CCDC57: variants seen among roughly 807,000 people sequenced by gnomAD.
The protein encoded by CCDC57 is coiled-coil domain-containing protein 57.
Under a neutral mutation model 118.9 loss-of-function variants are expected in CCDC57, and 118 were observed. The observed-to-expected ratio is 0.99, with a 90% confidence interval of 0.86 to 1.16. The LOEUF is 1.16. Among genes scored for constraint, CCDC57 ranks in the 50% most tolerant of loss-of-function variants. The probability of loss-of-function intolerance (pLI) is 0.00; values close to 1 mark genes in which losing one functional copy is unlikely to be tolerated. For synonymous variants in CCDC57, 527 were observed against 532.9 expected, an observed-to-expected ratio of 0.99 and a Z score of 0.15; for missense variants, 1,300 against 1,320.7, an observed-to-expected ratio of 0.98 and a Z score of 0.24.
chr17:82,134,521 C>T (rs187796954), intron 16 of CCDC57, among the ~76,000 whole-genome samples: 2 of 152,238 alleles, frequency 1.3e-5, no homozygotes, highest in East Asian at 1.9e-4. Flanking sequence ...TTGCCAGGTG[C>T]GGAGGCTCAC....
Position 82,185,655 on chromosome 17 carries a change from A to T in CCDC57, c.1053-1723T>A, listed in dbSNP as rs527863087. On this transcript the variant is annotated intron_variant, in intron 8 of 19. Transcript: ENST00000665763. ...GGAAGAAAAAAATGCTTTCCTGTTA[A>T]TCCTACAGGTTTTCTCTGTAGTTCC... 1.8e-4 allele frequency among the ~76,000 whole-genome samples: 28 copies of T among 152,102 alleles called. No homozygotes were observed. In the South Asian group the frequency reaches 5.4e-3, roughly 29 times the overall value.
chr17:82,122,132 A>C lies in CCDC57; in HGVS notation c.2899+5560T>G, dbSNP rs574243696. 4.6e-5 allele frequency among the ~76,000 whole-genome samples: 7 copies of C among 151,780 alleles called. No individual in the cohort carries two copies. The East Asian group carries it at 1.2e-3, about 25-fold the overall frequency. ...TGAGGCGCCAACCCACCATTTTACA[A>C]CCCACTTTCTCAAGCCTCCTACACC... On this transcript the variant is annotated intron_variant, in intron 19 of 19. Coordinates refer to ENST00000665763, the Ensembl canonical transcript of CCDC57.
chr17:82,205,489 C>T (rs1282754845), intron 2 of CCDC57, among the ~76,000 whole-genome samples: 4 of 152,212 alleles, frequency 2.6e-5, no homozygotes, highest in South Asian at 4.1e-4. Context: ...ACCGAGGACA[C>T]GGCCCAGCCT....
At chr17:82,201,895 T>G (rs2049038639) in exon 3 of CCDC57, 1 of 1,608,356 alleles carries the variant, frequency 6.2e-7, no homozygotes, top group African/African-American at 1.3e-5. Context: ...CTCCTCCTCC[T>G]TGCGAAGCAG....
At chr17:82,145,713 G>A (rs1403752802) in intron 16 of CCDC57, 2 of 375,578 alleles carry the variant, frequency 5.3e-6, no homozygotes, top group African/African-American at 4.4e-5. Context: ...CCTGCAGGCA[G>A]GGTCCCACAG....
intron 7 of CCDC57, among the ~76,000 whole-genome samples, chr17:82,190,708 A>AG (rs1435705350): frequency 6.6e-6 from 1 of 151,716 alleles, no homozygotes; most frequent in East Asian, 1.9e-4. Flanking sequence ...AAAAAAAAAA[A>AG]AAAAAAAAAA....
rs767395169 is a variant in CCDC57, at chr17:82,157,765, C to T, written c.2224G>A (p.Val742Met). 60 of 1,599,770 alleles carry T rather than the reference C, an allele frequency of 3.8e-5. No homozygotes were observed. In the South Asian group the frequency reaches 3.8e-4, roughly 10 times the overall value. Residue 742 changes from valine to methionine, a missense_variant, in exon 15 of 20, where the codon GTG (valine) becomes ATG (methionine). Coordinates refer to ENST00000665763, the Ensembl canonical transcript of CCDC57. ...GCACCCACCTCTCTCCCAAGGGCCA[C>T]GGCGTCCGAGGCTGGGGGCTGCTTC... is the stretch of plus-strand genomic sequence containing the variant.
At chr17:82,151,186 CCCAGAACCAGGCGCACAT>C (rs2041984214) in intron 16 of CCDC57, among the ~76,000 whole-genome samples, 23 of 101,736 alleles carry the variant, frequency 2.3e-4, no homozygotes, top group Admixed American at 2.3e-4. Context: ...CAGGCGCACA[CCCAGAACCAGGCGCACAT>C]CCAGAACCTG....
rs1939396997 is a variant in CCDC57 at position 82,145,578 on chromosome 17, T to C, written c.2455+5982A>G. ...AGTTAGCTATCATAAAGAAGTTTAC[T>C]AGAAACAACATTTTAAGGAATCCCA... On this transcript the variant is annotated intron_variant, in intron 16 of 19. Coordinates refer to ENST00000665763, the Ensembl canonical transcript of CCDC57. 2.0e-5 allele frequency among the ~76,000 whole-genome samples: 3 copies of C among 152,074 alleles called. No individual in the cohort carries two copies. In the South Asian group the frequency reaches 6.2e-4, roughly 32 times the overall value.
chr17:82,150,387 G>A (rs1186363271), intron 16 of CCDC57, among the ~76,000 whole-genome samples: 2 of 106,954 alleles, frequency 1.9e-5, no homozygotes, highest in South Asian at 3.2e-4. Flanking sequence ...CCAGAACCAG[G>A]CGCACACCCA....
At position 82,194,939 on chromosome 17, in the gene CCDC57, G is replaced by A. The variant is rs116922724; in HGVS notation, c.618+324C>T. On this transcript the variant is annotated intron_variant, in intron 5 of 19. Transcript: ENST00000665763. ...CGGGCTGCGCCCGGCATGGGCAGGCGTCGAGACTCAGCTCTTGCTTTTCCT... is the reference window on the plus strand; with the variant it reads ...CGGGCTGCGCCCGGCATGGGCAGGCATCGAGACTCAGCTCTTGCTTTTCCT... Among the ~76,000 whole-genome samples, 11 of 152,378 alleles carry A rather than the reference G, an allele frequency of 7.2e-5. No homozygotes were observed. In the East Asian group the frequency reaches 1.3e-3, roughly 19 times the overall value.
At chr17:82,115,185 C>T (rs1177144828) in intron 19 of CCDC57, among the ~76,000 whole-genome samples, 1 of 152,004 alleles carries the variant, frequency 6.6e-6, no homozygotes, top group East Asian at 1.9e-4. Context: ...CAGCCTGCGG[C>T]AACCACTGGG....
At chr17:82,124,657 G>A (rs1457794730) in intron 19 of CCDC57, among the ~76,000 whole-genome samples, 1 of 151,970 alleles carries the variant, frequency 6.6e-6, no homozygotes, top group Non-Finnish European at 1.5e-5. Flanking sequence ...TTAGCTGAGC[G>A]TGGTGGCGTG....
intron 13 of CCDC57, among the ~76,000 whole-genome samples, chr17:82,165,709 A>G (rs2043907885): frequency 6.6e-6 from 1 of 152,054 alleles, no homozygotes; most frequent in African/African-American, 2.4e-5. Flanking sequence ...GCCGTGTAAA[A>G]CCAGCCAGAA....
At chr17:82,169,135 TA>T (rs1352305777) in intron 13 of CCDC57, among the ~76,000 whole-genome samples, 2 of 152,156 alleles carry the variant, frequency 1.3e-5, no homozygotes, top group Non-Finnish European at 2.9e-5. Context: ...TATTTTACTT[TA>T]TTTTTTTTGA....
At chr17:82,211,406 G>C (rs974420807) in intron 1 of CCDC57, among the ~76,000 whole-genome samples, 2 of 152,196 alleles carry the variant, frequency 1.3e-5, no homozygotes, top group African/African-American at 4.8e-5. Flanking sequence ...ACCAGATCAT[G>C]GGATGATACC....
At chr17:82,163,152 C>A (rs1468558773) in intron 14 of CCDC57, 48 bp downstream of exon 13, 5 of 1,595,704 alleles carry the variant, frequency 3.1e-6, no homozygotes, top group Non-Finnish European at 3.4e-6. Flanking sequence ...CGCTCTCCCC[C>A]AGCAGCGGCT....
chr17:82,113,730 C>A, intron 19 of CCDC57: 2 of 704,860 alleles, frequency 2.8e-6, no homozygotes, highest in South Asian at 1.5e-5. Flanking sequence ...CCCAGGAGTT[C>A]GAGACCAGCC....
chr17:82,170,422 C>T (rs1379036565), intron 13 of CCDC57, among the ~76,000 whole-genome samples: 1 of 150,626 alleles, frequency 6.6e-6, no homozygotes, highest in Non-Finnish European at 1.5e-5. Flanking sequence ...GCAGGAGAAT[C>T]GCTTGAACTT....
Sources: allele counts gnomAD v4.1 joint callset (sites outside exome capture counted in the v4.1 genomes callset), GRCh38; gene constraint gnomAD v4.1.1; transcripts MANE v1.5; gene names NCBI Gene and HGNC (gene_info 2026-07-23, HGNC 2026-07-21).